Variants in RANBP3 observed in about 807,000 individuals in gnomAD.
The protein encoded by RANBP3 is RAN binding protein 3, also known as ran-binding protein 3.
In RANBP3, 14 loss-of-function variants were observed where a neutral mutation model predicts 77.3. The observed-to-expected ratio is 0.18, with a 90% CI of 0.12 to 0.28. The LOEUF is 0.28. Ranked by LOEUF, RANBP3 falls within the 10% of genes least tolerant of loss-of-function variation. RANBP3 has a pLI of 1.00. For missense variants in RANBP3, 586 were observed against 752.3 expected (o/e 0.78, Z 2.59); for synonymous variants, 315 against 312.4 (o/e 1.01, Z -0.09).
intron 3 of RANBP3, among the ~76,000 whole-genome samples, chr19:5,949,239 C>T (rs1285698484): frequency 2.0e-5 from 3 of 152,204 alleles, no homozygotes; most frequent in Non-Finnish European, 2.9e-5. Context: ...CAAACGAAAA[C>T]GGTCTGAGTT....
Position 5,917,878 on chromosome 19 carries a change from G to T in RANBP3, c.1576C>A (p.Pro526Thr). ...EQEQEAKMPA[P>T]EPGAAPSNEE... The stretch of plus-strand genomic sequence containing the variant: ...TTGGATGGGGCTGCCCCAGGCTCAG[G>T]CGCGGGCATCTTGGCCTCCTGCTCC... Residue 526 changes from proline to threonine, a missense_variant, in exon 16 of 17, where the codon CCT (proline) becomes ACT (threonine). Transcript: ENST00000340578. 6.2e-7 allele frequency: 1 copy of T among 1,612,782 alleles called. No individual in the cohort carries two copies. The highest frequency in any genetic ancestry group is 2.2e-5 in the East Asian group (1 of 44,876).
At position 5,917,636 on chromosome 19, in the gene RANBP3, C is replaced by A; in HGVS notation, c.1678G>T (p.Asp560Tyr). 1 of 1,606,656 alleles carries A rather than the reference C, an allele frequency of 6.2e-7. No homozygotes were observed. Among genetic ancestry groups the A allele is most frequent in the Non-Finnish European group, 8.5e-7 (1 of 1,178,958 alleles). ...TATGTGCTCCCGGTCGTCTGCCCGT[C>A]CCCTTCGTCACCAGCACCTGCAGGG... The part of the protein sequence containing the change: ...ATAAGAGDEG[D>Y]GQTTGST Residue 560 changes from aspartate (D) to tyrosine (Y), a missense_variant, in exon 17 of 17, where the codon GAC (aspartate) becomes TAC (tyrosine). This residue lies in a region of RANBP3 where 128 missense variants were observed against 157.0 expected (regional missense o/e 0.82). Coordinates refer to ENST00000340578, the MANE Select transcript of RANBP3 (RefSeq NM_007322.3).
chr19:5,938,005 C>G lies in RANBP3; in HGVS notation c.406+3616G>C, dbSNP rs1599747360. 3.3e-5 allele frequency among the ~76,000 whole-genome samples: 5 copies of G among 152,210 alleles called. No individual in the cohort carries two copies. The South Asian group carries it at 1.0e-3, about 31-fold the overall frequency. ...CACCCCAGGAATAACCAACATCGTG[C>G]CCTTCCTGAGGACCCTGAAACACCA... On this transcript the variant is annotated intron_variant, in intron 5 of 16. Transcript: ENST00000340578.
At chr19:5,929,113 C>T (rs544592891) in intron 8 of RANBP3, among the ~76,000 whole-genome samples, 82 of 152,302 alleles carry the variant, frequency 5.4e-4, no homozygotes, top group Non-Finnish European at 9.7e-4. Flanking sequence ...CCAGAATCAG[C>T]GGATCACAGC....
chr19:5,929,528 G>A (rs745351229), intron 8 of RANBP3, among the ~76,000 whole-genome samples: 35 of 152,242 alleles, frequency 2.3e-4, no homozygotes, highest in Non-Finnish European at 4.6e-4. Flanking sequence ...TAGAGGATTC[G>A]CTTAAACTGA....
intron 6 of RANBP3, chr19:5,932,761 A>C: frequency 1.8e-6 from 1 of 565,876 alleles, no homozygotes; most frequent in Non-Finnish European, 3.2e-6. Flanking sequence ...CCAGTGACCG[A>C]CGCCTGTGAA....
intron 9 of RANBP3, 99 bp from the exon 10 acceptor site, chr19:5,925,836 CG>C: frequency 1.0e-6 from 1 of 960,066 alleles, no homozygotes; most frequent in Non-Finnish European, 1.6e-6. Flanking sequence ...TGGAGCTGCT[CG>C]GAGCCATGAA....
In RANBP3 at chr19:5,978,096, G is replaced by A; in HGVS notation, c.-14C>T. The A allele has an allele frequency of 6.2e-7, 1 of 1,608,688 alleles. No homozygotes were observed. The highest frequency in any genetic ancestry group is 8.5e-7 in the Non-Finnish European group (1 of 1,177,858). ...CAGGTCCGCCATTTTACTTCCTTAA[G>A]CCCTCCCACAAGGCCCCGCGCCGGC... On this transcript the variant is annotated 5_prime_UTR_variant, in exon 1 of 17. Coordinates refer to ENST00000340578, the MANE Select transcript of RANBP3 (RefSeq NM_007322.3).
At chr19:5,957,583 C>T (rs2058350565) in intron 2 of RANBP3, among the ~76,000 whole-genome samples, 1 of 150,570 alleles carries the variant, frequency 6.6e-6, no homozygotes, top group African/African-American at 2.4e-5. Flanking sequence ...TCCCTTTGCC[C>T]CCTACTGTCC....
rs906398494 is a variant in RANBP3 at position 5,955,316 on chromosome 19, C to T, written c.78+2602G>A. ...AGAGATGGGGTTTCACCATGTTGGT[C>T]AGGCTGGTTGAACTCCTGACCTTGT... On this transcript the variant is annotated intron_variant, in intron 2 of 16. Transcript: ENST00000340578. Among the ~76,000 whole-genome samples the T allele has an allele frequency of 3.3e-5, 5 of 152,070 alleles. No individual in the cohort carries two copies. In the South Asian group the frequency reaches 1.0e-3, roughly 32 times the overall value.
In RANBP3 at chr19:5,921,186, C is replaced by T. The variant is rs753901528; in HGVS notation, c.1330+15G>A. The T allele has an allele frequency of 1.2e-6, 2 of 1,605,692 alleles. No individual in the cohort carries two copies. The highest frequency in any genetic ancestry group is 2.2e-5 in the South Asian group (2 of 90,512). The stretch of plus-strand genomic sequence containing the variant: ...CATGGGGACCCGGCCACAGCCCCCG[C>T]CGTCGGCAGCTCACCTAGTCGGGAC... On this transcript the variant is annotated intron_variant, in intron 14 of 16. Transcript: ENST00000340578. This position sits in a 1 kb window ranked among gnomAD's most constrained non-coding sequence, Gnocchi z 5.3.
At chr19:5,973,878 C>CG (rs1395227411) in intron 1 of RANBP3, among the ~76,000 whole-genome samples, 1 of 152,072 alleles carries the variant, frequency 6.6e-6, no homozygotes, top group Non-Finnish European at 1.5e-5. Context: ...GGTGTGGAAA[C>CG]GGGGGGCTCA....
chr19:5,923,153 A>G (rs1236673903), intron 13 of RANBP3, 41 bp downstream of exon 13: 1 of 1,549,480 alleles, frequency 6.5e-7, no homozygotes, highest in South Asian at 1.1e-5. Flanking sequence ...CCCCAGGTGC[A>G]TGGAAGACCC....
chr19:5,953,889 C>T (rs996167460), intron 2 of RANBP3, among the ~76,000 whole-genome samples: 2 of 152,154 alleles, frequency 1.3e-5, no homozygotes, highest in Non-Finnish European at 2.9e-5. Context: ...TAAAACCACA[C>T]ATGGCTTTTT....
chr19:5,920,438 T>C (rs2057803256), intron 14 of RANBP3, among the ~76,000 whole-genome samples: 1 of 152,162 alleles, frequency 6.6e-6, no homozygotes, highest in Non-Finnish European at 1.5e-5. Context: ...CACAGGCTGA[T>C]TTCCTTAAGT....
chr19:5,942,621 A>G (rs1197868941), intron 3 of RANBP3, among the ~76,000 whole-genome samples: 2 of 149,314 alleles, frequency 1.3e-5, no homozygotes, highest in East Asian at 4.0e-4. Context: ...GAATCGCTTG[A>G]GCCCGGTAGG....
intron 9 of RANBP3, 139 bp from the exon 10 acceptor site, chr19:5,925,876 C>T (rs896096801): frequency 2.5e-5 from 17 of 671,278 alleles, no homozygotes; most frequent in East Asian, 8.1e-5. Context: ...TGTGTGTGTG[C>T]GCGTGCATGT....
At position 5,917,620 on chromosome 19, in the gene RANBP3, C is replaced by T. The variant is rs757027802; in HGVS notation, c.1694G>A (p.Gly565Glu). 1 of 1,604,564 alleles carries T rather than the reference C, an allele frequency of 6.2e-7. No homozygotes were observed. Residue 565 changes from glycine (G) to glutamate (E), a missense_variant, in exon 17 of 17, where the codon GGG becomes GAG. Gly to Glu is a moderately conservative substitution (Grantham distance 98, BLOSUM62 -2). Transcript: ENST00000340578. ...CCGGGCTCCCGGCCGCTATGTGCTC[C>T]CGGTCGTCTGCCCGTCCCCTTCGTC... ...AGDEGDGQTT[G>E]ST
In RANBP3 at chr19:5,925,703, T is replaced by A; in HGVS notation, c.848A>T (p.Glu283Val). 6.2e-7 allele frequency: 1 copy of A among 1,613,758 alleles called. No individual in the cohort carries two copies. The highest frequency in any genetic ancestry group is 8.5e-7 in the Non-Finnish European group (1 of 1,179,956). ...INESVDEADM[E>V]NAGHPSADTP... ...GTCTGCGCTGGGGTGTCCAGCATTC[T>A]CCATGTCGGCTTCGTCCACGCTCTC... is the stretch of plus-strand genomic sequence containing the variant. Residue 283 changes from glutamate (E) to valine (V), a missense_variant, in exon 10 of 17, where the codon GAG becomes GTG. Transcript: ENST00000340578.
Sources: allele counts gnomAD v4.1 joint callset (sites outside exome capture counted in the v4.1 genomes callset), GRCh38; gene constraint gnomAD v4.1.1; regional missense constraint gnomAD v4.1.1; non-coding constraint Gnocchi (gnomAD v3.1); transcripts MANE v1.5; gene names NCBI Gene and HGNC (gene_info 2026-07-23, HGNC 2026-07-21).